The following ARPP19 variants were observed in gnomAD, a reference collection of about 807,000 sequenced individuals.
The protein encoded by ARPP19 is cAMP regulated phosphoprotein 19.
Under a neutral mutation model 12.0 loss-of-function variants are expected in ARPP19, and 8 were observed. That is an observed-to-expected ratio of 0.67 (90% CI 0.39 to 1.21). The LOEUF (loss-of-function observed/expected upper bound fraction) is 1.21, where lower values mean the gene tolerates loss of function less well. Ranked by LOEUF, ARPP19 falls within the 50% of genes most tolerant of loss-of-function variation. The pLI, the probability that ARPP19 is intolerant of heterozygous loss-of-function variation, is 0.01. For missense variants in ARPP19, 102 were observed against 136.3 expected, an observed-to-expected ratio of 0.75 and a Z score of 1.25; for synonymous variants, 47 against 50.4, an observed-to-expected ratio of 0.93 and a Z score of 0.29.
At position 52,551,843 on chromosome 15, in the gene ARPP19, A is replaced by G; in HGVS notation, c.*91T>C. ...CCTGCAAAGCTGTCAGTCTCAAATG[A>G]CTAGTGAATGAAAGGAAATAAAAAG... On this transcript the variant is annotated 3_prime_UTR_variant, in exon 3 of 3. Coordinates refer to ENST00000249822, the MANE Select transcript of ARPP19 (RefSeq NM_006628.6). 1 of 947,236 alleles carries G rather than the reference A, an allele frequency of 1.1e-6. No homozygotes were observed. The highest frequency in any genetic ancestry group is 1.6e-6 in the Non-Finnish European group (1 of 608,250). The allele number at this position is 947,236 out of a possible 1,614,324, so 58.7% of individuals were successfully genotyped here. A position where few individuals can be genotyped will look rare whatever the true frequency, so the allele number is the denominator to read the frequency against.
chr15:52,558,654 T>C (rs945323763), intron 1 of ARPP19, among the ~76,000 whole-genome samples: 10 of 152,038 alleles, frequency 6.6e-5, no homozygotes, highest in African/African-American at 2.4e-4. Context: ...AAAGCAGGAA[T>C]GTTAAATCCA....
chr15:52,557,806 C>T (rs2077995117), intron 1 of ARPP19: 2 of 151,796 alleles, frequency 1.3e-5, no homozygotes, highest in South Asian at 2.1e-4. Context: ...TCTTGAACTC[C>T]TGGGCTCAAA....
chr15:52,564,281 G>T (rs2140250821), intron 1 of ARPP19: 6 of 1,465,228 alleles, frequency 4.1e-6, no homozygotes, highest in Non-Finnish European at 5.5e-6. Context: ...TGAGGCGGTT[G>T]CTCACACCTG....
At position 52,551,074 on chromosome 15, in the gene ARPP19, C is replaced by G. The variant is rs931117681; in HGVS notation, c.*860G>C. 9 of 152,646 alleles carry G rather than the reference C, an allele frequency of 5.9e-5. No individual in the cohort carries two copies. The highest frequency in any genetic ancestry group is 1.3e-4 in the Non-Finnish European group (9 of 68,044). The allele number at this position is 152,646 out of a possible 1,614,324, so 9.5% of individuals were successfully genotyped here. On this transcript the variant is annotated 3_prime_UTR_variant, in exon 3 of 3. Transcript: ENST00000249822. ...TCTATAAGCCCGAGATTGTAAACTA[C>G]TCTTATTATACAAAAGCTATAATGA...
At chr15:52,555,222 G>A (rs866873810) in intron 2 of ARPP19, among the ~76,000 whole-genome samples, 1 of 151,974 alleles carries the variant, frequency 6.6e-6, no homozygotes, top group Non-Finnish European at 1.5e-5. Flanking sequence ...AAGATACAAT[G>A]TATATGAAAT....
chr15:52,558,376 G>C (rs1476090316), intron 1 of ARPP19, among the ~76,000 whole-genome samples: 1 of 151,698 alleles, frequency 6.6e-6, no homozygotes, highest in Admixed American at 6.6e-5. Flanking sequence ...CTTAAGCATG[G>C]AAGGTTGAGG....
At position 52,551,052 on chromosome 15, in the gene ARPP19, A is replaced by G. The variant is rs1463380587; in HGVS notation, c.*882T>C. On this transcript the variant is annotated 3_prime_UTR_variant, in exon 3 of 3. Coordinates refer to ENST00000249822, the MANE Select transcript of ARPP19 (RefSeq NM_006628.6). ...AACTAAGATTTCAGTTTGGTATTCT[A>G]TAAGCCCGAGATTGTAAACTACTCT... 2 of 152,688 alleles carry G rather than the reference A, an allele frequency of 1.3e-5. No homozygotes were observed. The highest frequency in any genetic ancestry group is 2.9e-5 in the Non-Finnish European group (2 of 68,038). 9.5% of individuals were successfully genotyped at this position (152,688 alleles called of 1,614,324 possible).
At chr15:52,558,470 G>GAAAAAAAAAAAAA (rs143549178) in intron 1 of ARPP19, among the ~76,000 whole-genome samples, 2 of 63,892 alleles carry the variant, frequency 3.1e-5, no homozygotes, top group South Asian at 5.1e-4. Flanking sequence ...AAACAAAACA[G>GAAAAAAAAAAAAA]AAAAAAAAAA....
At chr15:52,552,275 A>G (rs1192284099) in intron 2 of ARPP19, among the ~76,000 whole-genome samples, 171 bp from the exon 3 acceptor site, 3 of 152,118 alleles carry the variant, frequency 2.0e-5, no homozygotes, top group Non-Finnish European at 4.4e-5. Context: ...AACAGCCGAG[A>G]AGCCCCCCTT....
chr15:52,568,574 T>A, intron 1 of ARPP19: 1 of 420,966 alleles, frequency 2.4e-6, no homozygotes, highest in Non-Finnish European at 4.2e-6. Context: ...GCCTGCGTCC[T>A]GGGCTCTCGC....
intron 1 of ARPP19, among the ~76,000 whole-genome samples, chr15:52,558,532 G>A (rs150927112): frequency 6.0e-5 from 9 of 150,766 alleles, no homozygotes; most frequent in African/African-American, 2.2e-4. Flanking sequence ...TAGATAAACC[G>A]GGCAGCTGGC....
intron 1 of ARPP19, among the ~76,000 whole-genome samples, chr15:52,566,667 C>A (rs892445775): frequency 6.6e-6 from 1 of 151,206 alleles, no homozygotes; most frequent in Non-Finnish European, 1.5e-5. Flanking sequence ...AACTCCTGGC[C>A]TCAAGCAATC....
chr15:52,565,581 G>A (rs555099355), intron 1 of ARPP19, among the ~76,000 whole-genome samples: 2 of 152,156 alleles, frequency 1.3e-5, no homozygotes, highest in Non-Finnish European at 2.9e-5. Flanking sequence ...TACTCCAACT[G>A]TCCAAGAAAA....
intron 1 of ARPP19, among the ~76,000 whole-genome samples, chr15:52,567,556 G>C (rs1285096036): frequency 6.6e-6 from 1 of 152,102 alleles, no homozygotes; most frequent in Non-Finnish European, 1.5e-5. Context: ...CAATAAGCAG[G>C]TGATACTTAA....
intron 1 of ARPP19, among the ~76,000 whole-genome samples, chr15:52,563,887 T>C (rs1320308289): frequency 1.3e-5 from 2 of 152,248 alleles, no homozygotes; most frequent in Admixed American, 6.5e-5. Context: ...TGTCATTCTA[T>C]TAAGTCTTTG....
chr15:52,566,059 T>A lies in ARPP19; in HGVS notation c.45+2789A>T, dbSNP rs184798616. ...TTAGTAGAGAGGGGGTTTCCCCATA[T>A]TGGCCAGGCTGGTATCGAACTCCTG... On this transcript the variant is annotated intron_variant, in intron 1 of 2. Coordinates refer to ENST00000249822, the MANE Select transcript of ARPP19 (RefSeq NM_006628.6). Among the ~76,000 whole-genome samples, 145 of 152,302 alleles carry A rather than the reference T, an allele frequency of 9.5e-4. 1 individual carries two copies. Among genetic ancestry groups the A allele is most frequent in the African/African-American group, 3.4e-3 (142 of 41,576 alleles).
chr15:52,555,779 T>C (rs188997923), intron 2 of ARPP19, among the ~76,000 whole-genome samples: 141 of 152,146 alleles, frequency 9.3e-4, no homozygotes, highest in South Asian at 1.4e-3. Context: ...TAGCAATAGG[T>C]ATTATTTTAA....
intron 2 of ARPP19, among the ~76,000 whole-genome samples, chr15:52,555,749 G>A (rs556080392): frequency 7.2e-5 from 11 of 151,958 alleles, no homozygotes; most frequent in Non-Finnish European, 1.5e-4. Context: ...GAGCATATTA[G>A]TTTCATTCAA....
In ARPP19 at chr15:52,548,385, G is replaced by A. The variant is rs1380952149; in HGVS notation, c.*3549C>T. On this transcript the variant is annotated 3_prime_UTR_variant, in exon 3 of 3. Coordinates refer to ENST00000249822, the MANE Select transcript of ARPP19 (RefSeq NM_006628.6). The stretch of plus-strand genomic sequence containing the variant: ...GCCTGTAATCCCAGCTACTTGGGAG[G>A]CTGAGGCAGGAGAACTGCTTGAACC... The A allele has an allele frequency of 6.6e-6, 1 of 152,244 alleles. No homozygotes were observed. The highest frequency in any genetic ancestry group is 1.5e-5 in the Non-Finnish European group (1 of 68,172). 9.4% of individuals were successfully genotyped at this position (152,244 alleles called of 1,614,324 possible).
Sources: gnomAD v4.1 joint callset for allele counts (sites outside exome capture counted in the v4.1 genomes callset) on GRCh38, gnomAD v4.1.1 for gene constraint, MANE v1.5 for transcripts, NCBI Gene and HGNC (gene_info 2026-07-23, HGNC 2026-07-21) for gene names.